The following SCFD2 variants were observed in gnomAD, a reference collection of about 807,000 sequenced individuals.
SCFD2 encodes sec1 family domain containing 2.
SCFD2 carries 54 observed loss-of-function variants against 58.9 expected under a neutral mutation model. That is an observed-to-expected ratio of 0.92 (90% CI 0.74 to 1.15). SCFD2 has a LOEUF of 1.15. SCFD2 is among the 50% of genes most tolerant of loss of function. The probability of loss-of-function intolerance (pLI) is 0.00; values close to 1 mark genes in which losing one functional copy is unlikely to be tolerated. For missense variants in SCFD2, 805 were observed against 836.6 expected (o/e 0.96, Z 0.47); for synonymous variants, 321 against 335.9 (o/e 0.96, Z 0.49).
intron 5 of SCFD2, among the ~76,000 whole-genome samples, chr4:53,004,034 C>T (rs1190880832): frequency 2.6e-5 from 4 of 152,218 alleles, no homozygotes; most frequent in South Asian, 4.1e-4. Flanking sequence ...TATTACTATG[C>T]TCTTCAAAAT....
chr4:52,896,057 T>A lies in SCFD2; in HGVS notation c.1843-10191A>T, dbSNP rs1196270190. On this transcript the variant is annotated intron_variant, in intron 7 of 8. Coordinates refer to ENST00000401642, the MANE Select transcript of SCFD2 (RefSeq NM_152540.4). Reference sequence around the variant, plus strand: ...GTTGGAGTTCATTGTAGATTCTGGATATTAGCCCTTTGTCAGATGAGTAGA... The same window carrying A: ...GTTGGAGTTCATTGTAGATTCTGGAAATTAGCCCTTTGTCAGATGAGTAGA... Among the ~76,000 whole-genome samples, 3 of 152,334 alleles carry A rather than the reference T, an allele frequency of 2.0e-5. No individual in the cohort carries two copies. The East Asian group carries it at 5.8e-4, about 29-fold the overall frequency.
At chr4:52,979,464 A>G (rs1384542450) in intron 5 of SCFD2, among the ~76,000 whole-genome samples, 2 of 152,114 alleles carry the variant, frequency 1.3e-5, no homozygotes, top group East Asian at 3.9e-4. Flanking sequence ...CTCCATTTTT[A>G]TGTACCGTAT....
At position 53,352,750 on chromosome 4, in the gene SCFD2, A is replaced by G; in HGVS notation, c.855T>C (p.His285=). The change falls in exon 2 of 9, where the codon CAT becomes CAC. Residue 285 remains histidine, a synonymous_variant. Transcript: ENST00000401642. ...TGATCTTCTCTACTAAGTTGTCTCC[A>G]TGATGTCCAACTGCTCCTGTTTAAG... ...TLDLTGAVGH[H]GDNLVEKIIS... 1 of 1,614,014 alleles carries G rather than the reference A, an allele frequency of 6.2e-7. No homozygotes were observed. The highest frequency in any genetic ancestry group is 1.1e-5 in the South Asian group (1 of 91,068).
chr4:53,357,405 G>T (rs1734431674), intron 1 of SCFD2, among the ~76,000 whole-genome samples: 1 of 151,694 alleles, frequency 6.6e-6, no homozygotes. Context: ...TACCAGCCTG[G>T]GCAATAGTGC....
chr4:53,181,355 A>G (rs1429013927), intron 4 of SCFD2, among the ~76,000 whole-genome samples: 8 of 152,248 alleles, frequency 5.3e-5, no homozygotes, highest in African/African-American at 1.9e-4. Flanking sequence ...TTCAACATAC[A>G]CAAATCAATA....
intron 5 of SCFD2, among the ~76,000 whole-genome samples, chr4:52,976,262 CT>C (rs1560499495): frequency 1.3e-5 from 2 of 152,172 alleles, no homozygotes; most frequent in African/African-American, 2.4e-5. Context: ...ATTTTAGCTA[CT>C]GCTGCTGAAG....
At chr4:53,153,146 G>A (rs1726562330) in intron 4 of SCFD2, among the ~76,000 whole-genome samples, 1 of 152,212 alleles carries the variant, frequency 6.6e-6, no homozygotes, top group Non-Finnish European at 1.5e-5. Flanking sequence ...CATCTTGAGA[G>A]TGTCCCAGTG....
chr4:53,344,061 C>T (rs868851099), intron 2 of SCFD2, among the ~76,000 whole-genome samples: 12 of 152,158 alleles, frequency 7.9e-5, no homozygotes, highest in South Asian at 6.2e-4. Flanking sequence ...CCCTCTCTCA[C>T]CACTCCTATT....
chr4:52,906,615 T>C (rs1198769848), intron 7 of SCFD2, among the ~76,000 whole-genome samples: 1 of 152,202 alleles, frequency 6.6e-6, no homozygotes, highest in East Asian at 1.9e-4. Context: ...TCCAGCAGGC[T>C]TACTGCTTGG....
intron 4 of SCFD2, among the ~76,000 whole-genome samples, chr4:53,244,056 T>C (rs1048879158): frequency 1.1e-4 from 16 of 152,142 alleles, no homozygotes; most frequent in Admixed American, 1.3e-4. Context: ...CCTAAATGTA[T>C]ATGCACCTAA....
At chr4:53,089,997 A>G (rs555951340) in intron 5 of SCFD2, among the ~76,000 whole-genome samples, 3 of 152,162 alleles carry the variant, frequency 2.0e-5, no homozygotes, top group South Asian at 4.1e-4. Context: ...TTCTGCAGAG[A>G]GCTACAAAAG....
intron 6 of SCFD2, among the ~76,000 whole-genome samples, chr4:52,911,133 A>T (rs1719476692): frequency 6.6e-6 from 1 of 152,234 alleles, no homozygotes; most frequent in Non-Finnish European, 1.5e-5. Flanking sequence ...GAGATCATAC[A>T]CAGCACAAAG....
intron 4 of SCFD2, among the ~76,000 whole-genome samples, chr4:53,266,074 A>G (rs562999000): frequency 6.6e-6 from 1 of 152,290 alleles, no homozygotes; most frequent in African/African-American, 2.4e-5. Flanking sequence ...TGTGATGACT[A>G]GCATAAAAAC....
chr4:53,286,112 C>T (rs1388521075), intron 3 of SCFD2, among the ~76,000 whole-genome samples: 1 of 152,136 alleles, frequency 6.6e-6, no homozygotes, highest in Non-Finnish European at 1.5e-5. Flanking sequence ...CATTCCCTAG[C>T]CAAACCACTG....
intron 5 of SCFD2, among the ~76,000 whole-genome samples, chr4:52,947,539 T>A (rs961737617): frequency 1.3e-5 from 2 of 152,102 alleles, no homozygotes; most frequent in Non-Finnish European, 2.9e-5. Context: ...TATACATATA[T>A]AGTAATTAAG....
intron 8 of SCFD2, among the ~76,000 whole-genome samples, chr4:52,881,767 T>A (rs1577794594): frequency 6.6e-6 from 1 of 152,334 alleles, no homozygotes; most frequent in Middle Eastern, 3.4e-3. Context: ...TTGTGGTCTT[T>A]TCCAGAAAAG....
intron 1 of SCFD2, among the ~76,000 whole-genome samples, chr4:53,362,302 G>A (rs754466885): frequency 1.8e-4 from 27 of 152,324 alleles, no homozygotes; most frequent in East Asian, 1.9e-4. Flanking sequence ...GGTAGCCAAT[G>A]TTGTAAGAGG....
chr4:53,094,350 G>C (rs1390578168), intron 5 of SCFD2, among the ~76,000 whole-genome samples: 3 of 152,018 alleles, frequency 2.0e-5, no homozygotes, highest in African/African-American at 7.2e-5. Flanking sequence ...GTATCAACAG[G>C]GTTGTTTTTC....
chr4:53,056,638 T>C (rs373063695), intron 5 of SCFD2, among the ~76,000 whole-genome samples: 3 of 152,142 alleles, frequency 2.0e-5, no homozygotes, highest in African/African-American at 7.2e-5. Context: ...ATTCTAGAGA[T>C]AGATTTTTCA....
Sources: gnomAD v4.1 joint callset for allele counts (sites outside exome capture counted in the v4.1 genomes callset) on GRCh38, gnomAD v4.1.1 for gene constraint, MANE v1.5 for transcripts, NCBI Gene and HGNC (gene_info 2026-07-23, HGNC 2026-07-21) for gene names.